BMPR2: variants seen among roughly 807,000 people sequenced by gnomAD.
BMPR2 encodes the protein bone morphogenetic protein receptor type-2.
In BMPR2, 29 loss-of-function variants were observed where a neutral mutation model predicts 100.8. The observed-to-expected ratio is 0.29, with a 90% CI of 0.21 to 0.39. The LOEUF (loss-of-function observed/expected upper bound fraction) is 0.39, where lower values mean the gene tolerates loss of function less well. Among genes scored for constraint, BMPR2 ranks in the 10% least tolerant of loss-of-function variants. BMPR2 has a pLI of 1.00. For synonymous variants in BMPR2, 382 were observed against 442.3 expected, an observed-to-expected ratio of 0.86 and a Z score of 1.71; for missense variants, 1,011 against 1,274.5, an observed-to-expected ratio of 0.79 and a Z score of 3.15.
At chr2:202,535,429 C>T (rs1467212697) in intron 9 of BMPR2, among the ~76,000 whole-genome samples, 9 of 151,162 alleles carry the variant, frequency 6.0e-5, no homozygotes, top group African/African-American at 2.2e-4. Context: ...GGCAGAGGCG[C>T]TCCTCACATC....
intron 3 of BMPR2, among the ~76,000 whole-genome samples, chr2:202,478,934 A>C (rs952335163): frequency 5.3e-5 from 8 of 152,022 alleles, no homozygotes; most frequent in African/African-American, 1.9e-4. Flanking sequence ...TCAAACCATA[A>C]ATAAAAATAA....
intron 1 of BMPR2, among the ~76,000 whole-genome samples, chr2:202,440,203 C>T (rs1311827905): frequency 6.6e-6 from 1 of 150,838 alleles, no homozygotes; most frequent in Non-Finnish European, 1.5e-5. Context: ...CCGCCATCCT[C>T]ATCGTGGCCC....
chr2:202,469,202 A>G (rs1445850932), intron 3 of BMPR2, among the ~76,000 whole-genome samples: 1 of 151,760 alleles, frequency 6.6e-6, no homozygotes. Context: ...CTAATTTTGT[A>G]TTTTTAGTAG....
At chr2:202,408,341 G>A (rs540929700) in intron 1 of BMPR2, among the ~76,000 whole-genome samples, 1 of 152,248 alleles carries the variant, frequency 6.6e-6, no homozygotes, top group African/African-American at 2.4e-5. Context: ...TATGTCTGTG[G>A]TTGCTTCTTA....
intron 3 of BMPR2, among the ~76,000 whole-genome samples, chr2:202,492,109 G>T (rs1003673939): frequency 6.6e-6 from 1 of 152,098 alleles, no homozygotes; most frequent in Non-Finnish European, 1.5e-5. Flanking sequence ...TCAGCATTCA[G>T]TGATAGTAAT....
intron 1 of BMPR2, among the ~76,000 whole-genome samples, chr2:202,388,414 A>G (rs1036767441): frequency 1.3e-5 from 2 of 150,674 alleles, no homozygotes; most frequent in East Asian, 3.9e-4. Context: ...AAAAAAAAAA[A>G]AAAAAACATT....
At chr2:202,416,742 G>C (rs936065112) in intron 1 of BMPR2, among the ~76,000 whole-genome samples, 2 of 151,900 alleles carry the variant, frequency 1.3e-5, no homozygotes, top group Non-Finnish European at 2.9e-5. Flanking sequence ...GCTTCTTATG[G>C]ATGAGCAAAG....
chr2:202,377,657 G>A, intron 1 of BMPR2, 107 bp downstream of exon 1: 2 of 1,343,584 alleles, frequency 1.5e-6, no homozygotes, highest in Non-Finnish European at 1.1e-6. Flanking sequence ...GCGTCCCCCC[G>A]ATCGCGGTGC....
intron 3 of BMPR2, chr2:202,475,074 T>C (rs1195381638): frequency 6.6e-6 from 1 of 152,202 alleles, no homozygotes; most frequent in African/African-American, 2.4e-5. Flanking sequence ...GTAATATACA[T>C]CCATTTTAGA....
chr2:202,398,108 C>CAAA (rs56075719), intron 1 of BMPR2, among the ~76,000 whole-genome samples: 1 of 120,340 alleles, frequency 8.3e-6, no homozygotes, highest in Non-Finnish European at 1.8e-5. Flanking sequence ...GACCCTGTCT[C>CAAA]AAAAAAAAAA....
chr2:202,397,581 C>T (rs1034281723), intron 1 of BMPR2, among the ~76,000 whole-genome samples: 2 of 151,392 alleles, frequency 1.3e-5, no homozygotes, highest in Admixed American at 1.3e-4. Flanking sequence ...TCCCTGGGGC[C>T]TCCACTTTCT....
At chr2:202,487,466 A>T (rs1230770049) in intron 3 of BMPR2, among the ~76,000 whole-genome samples, 1 of 152,244 alleles carries the variant, frequency 6.6e-6, no homozygotes, top group Non-Finnish European at 1.5e-5. Flanking sequence ...TCAGATTTCC[A>T]TGAAACTTGA....
intron 1 of BMPR2, among the ~76,000 whole-genome samples, chr2:202,399,136 A>C (rs1207193178): frequency 6.6e-6 from 1 of 152,154 alleles, no homozygotes; most frequent in Non-Finnish European, 1.5e-5. Context: ...CAAGAGAAAA[A>C]AAAAAGACAG....
intron 3 of BMPR2, among the ~76,000 whole-genome samples, chr2:202,496,403 G>A (rs1170354356): frequency 6.6e-6 from 1 of 152,080 alleles, no homozygotes; most frequent in African/African-American, 2.4e-5. Context: ...CTTGAGCCTG[G>A]GAGGCTGAGG....
chr2:202,448,196 T>A (rs949443640), intron 1 of BMPR2, among the ~76,000 whole-genome samples: 10 of 151,054 alleles, frequency 6.6e-5, no homozygotes, highest in Non-Finnish European at 1.5e-4. Flanking sequence ...AAGCCTCTAA[T>A]CCCAGCACTT....
intron 3 of BMPR2, among the ~76,000 whole-genome samples, chr2:202,508,925 TG>T (rs1687575902): frequency 6.6e-6 from 1 of 152,230 alleles, no homozygotes; most frequent in Non-Finnish European, 1.5e-5. Context: ...ATCTCAGTGA[TG>T]TTTTTAATGA....
chr2:202,398,445 G>T (rs1476600496), intron 1 of BMPR2, among the ~76,000 whole-genome samples: 1 of 152,060 alleles, frequency 6.6e-6, no homozygotes, highest in East Asian at 1.9e-4. Flanking sequence ...ACCTAATTTT[G>T]CCATGTATGC....
At chr2:202,453,135 A>G (rs565913442) in intron 1 of BMPR2, among the ~76,000 whole-genome samples, 1 of 152,244 alleles carries the variant, frequency 6.6e-6, no homozygotes, top group African/African-American at 2.4e-5. Flanking sequence ...GGAAATCACT[A>G]AAATGTTTCA....
rs192511165 is a variant in BMPR2 at position 202,540,277 on chromosome 2, G to A, written c.1277-2034G>A. Reference sequence around the variant, plus strand: ...TAACACTTGGAAGGTATGTGTATGTGTTGTGTGTATGTCTCAGAGACAGAT... The same window carrying A: ...TAACACTTGGAAGGTATGTGTATGTATTGTGTGTATGTCTCAGAGACAGAT... On this transcript the variant is annotated intron_variant, in intron 9 of 12. Transcript: ENST00000374580. Among the ~76,000 whole-genome samples the A allele has an allele frequency of 6.8e-3, 1,032 of 152,246 alleles. 7 individuals carry two copies. The highest frequency in any genetic ancestry group is 0.037 in the Middle Eastern group (11 of 294).
Sources: allele counts gnomAD v4.1 joint callset (sites outside exome capture counted in the v4.1 genomes callset), GRCh38; gene constraint gnomAD v4.1.1; transcripts MANE v1.5; gene names NCBI Gene and HGNC (gene_info 2026-07-23, HGNC 2026-07-21).